Variants in NKAIN3 observed in about 807,000 individuals in gnomAD.
NKAIN3 encodes the protein sodium/potassium-transporting ATPase subunit beta-1-interacting protein 3.
In NKAIN3, 25 loss-of-function variants were observed where a neutral mutation model predicts 30.2. The ratio of observed to expected loss-of-function variants is 0.83; its 90% CI spans 0.60 to 1.16. The LOEUF (loss-of-function observed/expected upper bound fraction) is 1.16. Ranked by LOEUF, NKAIN3 falls within the 50% of genes most tolerant of loss-of-function variation. The probability of loss-of-function intolerance (pLI) is 0.00; values close to 1 mark genes in which losing one functional copy is unlikely to be tolerated. For synonymous variants in NKAIN3, 91 were observed against 89.6 expected, an observed-to-expected ratio of 1.02 and a Z score of -0.09; for missense variants, 225 against 254.1, an observed-to-expected ratio of 0.89 and a Z score of 0.78.
chr8:62,835,136 A>C (rs1819319634), intron 4 of NKAIN3, among the ~76,000 whole-genome samples: 1 of 152,010 alleles, frequency 6.6e-6, no homozygotes, highest in Admixed American at 6.6e-5. Context: ...CAGAAGAATA[A>C]ATTTGAATAC....
intron 1 of NKAIN3, among the ~76,000 whole-genome samples, chr8:62,486,583 T>G (rs1806911144): frequency 6.6e-6 from 1 of 152,184 alleles, no homozygotes; most frequent in Admixed American, 6.5e-5. Flanking sequence ...TGCACTTGTA[T>G]CTGACGTTTG....
At chr8:62,570,836 CCA>C (rs1809913020) in intron 1 of NKAIN3, among the ~76,000 whole-genome samples, 1 of 152,120 alleles carries the variant, frequency 6.6e-6, no homozygotes, top group Admixed American at 6.5e-5. Context: ...TTGGATTTTT[CCA>C]CTGTTCACTA....
chr8:62,651,135 G>A (rs375343102), intron 3 of NKAIN3, among the ~76,000 whole-genome samples: 8 of 150,614 alleles, frequency 5.3e-5, no homozygotes, highest in Non-Finnish European at 1.2e-4. Flanking sequence ...AAACTTCTTC[G>A]AAAAGATAAA....
intron 1 of NKAIN3, among the ~76,000 whole-genome samples, chr8:62,533,606 T>C (rs889616445): frequency 9.2e-5 from 14 of 152,200 alleles, no homozygotes; most frequent in Non-Finnish European, 1.5e-4. Context: ...AGGAAAGATT[T>C]CCCCTTTTTT....
chr8:62,306,910 G>A lies in NKAIN3; in HGVS notation c.54+57783G>A, dbSNP rs150566000. Among the ~76,000 whole-genome samples, 531 of 149,868 alleles carry A rather than the reference G, an allele frequency of 3.5e-3. 6 individuals are homozygous for A. Among genetic ancestry groups the A allele is most frequent in the Non-Finnish European group, 5.7e-3 (385 of 67,916 alleles). ...CACCCACTGCAGATGTGTCCATAGGGGAAAGCATACTGGTCATGACCTTAC... is the reference window on the plus strand; with the variant it reads ...CACCCACTGCAGATGTGTCCATAGGAGAAAGCATACTGGTCATGACCTTAC... On this transcript the variant is annotated intron_variant, in intron 1 of 6. Coordinates refer to ENST00000623646, the MANE Select transcript of NKAIN3 (RefSeq NM_001304533.3).
chr8:62,685,049 A>G (rs1444352185), intron 3 of NKAIN3, among the ~76,000 whole-genome samples: 1 of 152,192 alleles, frequency 6.6e-6, no homozygotes, highest in Non-Finnish European at 1.5e-5. Flanking sequence ...TGTACACATA[A>G]CATCCCATGT....
chr8:62,592,889 A>T (rs1035554392), intron 3 of NKAIN3, among the ~76,000 whole-genome samples: 2 of 152,120 alleles, frequency 1.3e-5, no homozygotes, highest in Non-Finnish European at 2.9e-5. Flanking sequence ...GGATCAATGT[A>T]TTAAATAGAC....
At chr8:62,469,241 T>C (rs1396221786) in intron 1 of NKAIN3, among the ~76,000 whole-genome samples, 1 of 152,190 alleles carries the variant, frequency 6.6e-6, no homozygotes, top group African/African-American at 2.4e-5. Context: ...TGAATAATAA[T>C]GGCAATACTA....
At chr8:62,432,670 C>T (rs1805050390) in intron 1 of NKAIN3, among the ~76,000 whole-genome samples, 1 of 152,158 alleles carries the variant, frequency 6.6e-6, no homozygotes, top group Non-Finnish European at 1.5e-5. Flanking sequence ...AGTCTAAACC[C>T]CTTAGCCTGG....
intron 4 of NKAIN3, among the ~76,000 whole-genome samples, chr8:62,898,200 T>C (rs1821494014): frequency 6.8e-6 from 1 of 146,696 alleles, no homozygotes; most frequent in African/African-American, 2.5e-5. Context: ...AACTCTTAGT[T>C]TGGGCAATAA....
chr8:62,863,741 C>A, intron 4 of NKAIN3: 3 of 1,596,826 alleles, frequency 1.9e-6, no homozygotes, highest in Non-Finnish European at 8.6e-7. Context: ...TGCAACAAAT[C>A]TTTTCCCCTA....
At chr8:62,836,897 A>G (rs1819383238) in intron 4 of NKAIN3, among the ~76,000 whole-genome samples, 1 of 152,176 alleles carries the variant, frequency 6.6e-6, no homozygotes, top group Non-Finnish European at 1.5e-5. Context: ...TGAGCAGAGT[A>G]AAACCTAAAC....
At chr8:62,812,470 C>A (rs1563574592) in intron 4 of NKAIN3, among the ~76,000 whole-genome samples, 1 of 151,672 alleles carries the variant, frequency 6.6e-6, no homozygotes, top group Non-Finnish European at 1.5e-5. Context: ...TATGTATGAA[C>A]ATGATGTCTC....
At chr8:62,497,834 T>C (rs1807289848) in intron 1 of NKAIN3, among the ~76,000 whole-genome samples, 1 of 152,076 alleles carries the variant, frequency 6.6e-6, no homozygotes, top group South Asian at 2.1e-4. Context: ...TTCTGCAGCC[T>C]GAGTTTCCAG....
intron 1 of NKAIN3, among the ~76,000 whole-genome samples, chr8:62,353,276 G>A (rs373853033): frequency 1.3e-5 from 2 of 152,314 alleles, no homozygotes; most frequent in Non-Finnish European, 1.5e-5. Flanking sequence ...TAGTTCCTAT[G>A]TACATTCTTA....
intron 4 of NKAIN3, among the ~76,000 whole-genome samples, chr8:62,878,040 C>CAA (rs34421488): frequency 0.38 from 42,488 of 113,262 alleles, 8,796 homozygotes; most frequent in African/African-American, 0.58. Context: ...AACTCCATCT[C>CAA]AAAAAAAAAA....
At chr8:62,805,575 G>A (rs1315866218) in intron 4 of NKAIN3, among the ~76,000 whole-genome samples, 1 of 152,050 alleles carries the variant, frequency 6.6e-6, no homozygotes, top group South Asian at 2.1e-4. Context: ...TTAATAAATG[G>A]TGCTGGGAAA....
chr8:62,790,276 A>C (rs947292008), intron 4 of NKAIN3, among the ~76,000 whole-genome samples: 2 of 152,154 alleles, frequency 1.3e-5, no homozygotes, highest in African/African-American at 4.8e-5. Flanking sequence ...TCATGCTAAA[A>C]ACTCTCAATA....
At chr8:62,349,746 C>T (rs1816123908) in intron 1 of NKAIN3, among the ~76,000 whole-genome samples, 1 of 152,094 alleles carries the variant, frequency 6.6e-6, no homozygotes, top group South Asian at 2.1e-4. Context: ...AAAGTAGCCT[C>T]TCAGGCTTGT....
Sources: allele counts gnomAD v4.1 joint callset (sites outside exome capture counted in the v4.1 genomes callset), GRCh38; gene constraint gnomAD v4.1.1; transcripts MANE v1.5; gene names NCBI Gene and HGNC (gene_info 2026-07-23, HGNC 2026-07-21).